The following SH3RF3 variants were observed in gnomAD, a reference collection of about 807,000 sequenced individuals.
SH3RF3 encodes the protein SH3 domain containing ring finger 3, also known as E3 ubiquitin-protein ligase SH3RF3.
SH3RF3 carries 29 observed loss-of-function variants against 66.3 expected under a neutral mutation model. The ratio of observed to expected loss-of-function variants is 0.44; its 90% CI spans 0.33 to 0.60. The LOEUF is 0.60. Among genes scored for constraint, SH3RF3 ranks in the 20% least tolerant of loss-of-function variants. The pLI, the probability that SH3RF3 is intolerant of heterozygous loss-of-function variation, is 0.04. For missense variants in SH3RF3, 1,194 were observed against 1,190.9 expected, an observed-to-expected ratio of 1.00 and a Z score of -0.04; for synonymous variants, 583 against 532.0, an observed-to-expected ratio of 1.10 and a Z score of -1.32.
rs905669430 is a variant in SH3RF3, at chr2:109,368,298, G to C, written c.850-3288G>C. ...ACATTGAGTATTTAGTTTTGCTGTA[G>C]CCAAATCTTTGTTATCATACCTTGA... is the stretch of plus-strand genomic sequence containing the variant. On this transcript the variant is annotated intron_variant, in intron 2 of 9. Coordinates refer to ENST00000309415, the MANE Select transcript of SH3RF3 (RefSeq NM_001099289.3). Among the ~76,000 whole-genome samples, 6 of 152,140 alleles carry C rather than the reference G, an allele frequency of 3.9e-5. No homozygotes were observed. In the South Asian group the frequency reaches 1.2e-3, roughly 32 times the overall value.
intron 1 of SH3RF3, among the ~76,000 whole-genome samples, chr2:109,142,924 G>A (rs750231564): frequency 5.3e-5 from 8 of 152,158 alleles, no homozygotes; most frequent in East Asian, 3.9e-4. Flanking sequence ...GACAATTGTC[G>A]TGCTGACAGA....
intron 1 of SH3RF3, among the ~76,000 whole-genome samples, chr2:109,222,782 T>G (rs1174085624): frequency 6.6e-6 from 1 of 152,248 alleles, no homozygotes; most frequent in Non-Finnish European, 1.5e-5. Context: ...AAGGACTTTT[T>G]GGTTTGCTAA....
chr2:109,196,257 C>T (rs1040159128), intron 1 of SH3RF3, among the ~76,000 whole-genome samples: 10 of 152,200 alleles, frequency 6.6e-5, no homozygotes, highest in African/African-American at 9.6e-5. Context: ...CTCCTGCATC[C>T]GCTGCTCTCC....
At chr2:109,377,826 C>T (rs1209974094) in intron 3 of SH3RF3, among the ~76,000 whole-genome samples, 1 of 152,182 alleles carries the variant, frequency 6.6e-6, no homozygotes, top group Non-Finnish European at 1.5e-5. Context: ...CTCCTTGTCA[C>T]TTTATCTTTT....
At chr2:109,187,832 A>T (rs1202906550) in intron 1 of SH3RF3, among the ~76,000 whole-genome samples, 1 of 152,130 alleles carries the variant, frequency 6.6e-6, no homozygotes, top group Non-Finnish European at 1.5e-5. Flanking sequence ...TGTGACCAGG[A>T]CCCCATTCTC....
intron 3 of SH3RF3, among the ~76,000 whole-genome samples, chr2:109,379,319 T>C (rs983805097): frequency 2.0e-5 from 3 of 152,220 alleles, no homozygotes; most frequent in African/African-American, 7.2e-5. Flanking sequence ...TCCAGGACTT[T>C]TCCTTAGATG....
rs115413626 is a variant in SH3RF3, at chr2:109,179,589, T to C, written c.573+49476T>C. ...AGAACATGGTACTGGCATCTGATGA[T>C]ATCCTTCCTGCTGTGTTGTAATATG... On this transcript the variant is annotated intron_variant, in intron 1 of 9. Transcript: ENST00000309415. 3.3e-3 allele frequency among the ~76,000 whole-genome samples: 501 copies of C among 152,356 alleles called. 3 individuals are homozygous for C. The highest frequency in any genetic ancestry group is 0.011 in the African/African-American group (464 of 41,578).
intron 1 of SH3RF3, among the ~76,000 whole-genome samples, chr2:109,149,711 G>C (rs1677187881): frequency 1.3e-5 from 2 of 152,190 alleles, no homozygotes; most frequent in Admixed American, 6.5e-5. Context: ...GCCTCGTGGT[G>C]CTTACGTTCT....
intron 1 of SH3RF3, among the ~76,000 whole-genome samples, chr2:109,335,605 C>CT (rs61303122): frequency 0.018 from 2,728 of 152,306 alleles, 98 homozygotes; most frequent in African/African-American, 0.063. Context: ...CACTTAACCA[C>CT]TTTCTGACAT....
chr2:109,438,700 T>C (rs1677480287), intron 7 of SH3RF3, among the ~76,000 whole-genome samples: 1 of 152,084 alleles, frequency 6.6e-6, no homozygotes. Flanking sequence ...TTCAGCATGG[T>C]TTACGTGGAT....
intron 1 of SH3RF3, among the ~76,000 whole-genome samples, chr2:109,188,414 C>A (rs1382423292): frequency 6.6e-6 from 1 of 152,182 alleles, no homozygotes; most frequent in Admixed American, 6.5e-5. Flanking sequence ...GGTCTGGGAC[C>A]CCATGGGCCC....
In SH3RF3 at chr2:109,493,496, TACAA is replaced by T. The variant is rs1235235184; in HGVS notation, c.2480+2564_2480+2567del. Among the ~76,000 whole-genome samples, 33 of 150,264 alleles carry T rather than the reference TACAA, an allele frequency of 2.2e-4. 1 individual carries two copies. The highest frequency in any genetic ancestry group is 1.4e-3 in the East Asian group (7 of 5,070). On this transcript the variant is annotated intron_variant, in intron 9 of 9. Transcript: ENST00000309415. ...ACAAACACATACCCCACATACACCA[TACAA>T]ACACATACCTCACACACACCATTGC... is the stretch of plus-strand genomic sequence containing the variant.
chr2:109,313,134 C>T (rs1484702394), intron 1 of SH3RF3, among the ~76,000 whole-genome samples: 2 of 152,168 alleles, frequency 1.3e-5, no homozygotes, highest in Non-Finnish European at 2.9e-5. Flanking sequence ...TGCCCTGTGC[C>T]TGTCAGCTTC....
At chr2:109,408,298 G>A (rs959075090) in intron 4 of SH3RF3, among the ~76,000 whole-genome samples, 2 of 152,182 alleles carry the variant, frequency 1.3e-5, no homozygotes, top group Non-Finnish European at 2.9e-5. Flanking sequence ...GGCCACTGAG[G>A]TCGGTGTCCT....
At position 109,237,566 on chromosome 2, in the gene SH3RF3, C is replaced by T. The variant is rs530216794; in HGVS notation, c.573+107453C>T. On this transcript the variant is annotated intron_variant, in intron 1 of 9. Transcript: ENST00000309415. ...CTTTGAATGTGACCCAACACAAATT[C>T]GCAAACTTTCTTAAAACATTATGAG... 2.8e-3 allele frequency among the ~76,000 whole-genome samples: 421 copies of T among 152,230 alleles called. 4 individuals are homozygous for T. Among genetic ancestry groups the T allele is most frequent in the African/African-American group, 9.7e-3 (404 of 41,536 alleles).
Position 109,142,045 on chromosome 2 carries a change from G to GC in SH3RF3, c.573+11932_573+11933insC, listed in dbSNP as rs1004467044. On this transcript the variant is annotated intron_variant, in intron 1 of 9. Transcript: ENST00000309415. ...TCTTCTGGGGTCCTTGAGTCTCCTG[G>GC]GGGGGGGGTCTCAGGTATGTGCCTA... Among the ~76,000 whole-genome samples the GC allele has an allele frequency of 1.4e-4, 20 of 147,582 alleles. 1 individual carries two copies. The highest frequency in any genetic ancestry group is 2.5e-4 in the African/African-American group (10 of 39,354).
intron 1 of SH3RF3, among the ~76,000 whole-genome samples, chr2:109,262,597 A>C (rs1680383255): frequency 6.6e-6 from 1 of 152,204 alleles, no homozygotes; most frequent in African/African-American, 2.4e-5. Context: ...GAAGCTGAGA[A>C]ATGAAAGAGC....
At chr2:109,147,865 A>G (rs112991201) in intron 1 of SH3RF3, among the ~76,000 whole-genome samples, 6 of 152,364 alleles carry the variant, frequency 3.9e-5, no homozygotes, top group African/African-American at 9.6e-5. Context: ...CCATATATAC[A>G]TATAAAGTTA....
chr2:109,316,733 G>T (rs142066474), intron 1 of SH3RF3, among the ~76,000 whole-genome samples: 1 of 152,130 alleles, frequency 6.6e-6, no homozygotes, highest in Admixed American at 6.5e-5. Flanking sequence ...TCTATAATGC[G>T]ATGTATCCAC....
Sources: gnomAD v4.1 joint callset for allele counts (sites outside exome capture counted in the v4.1 genomes callset) on GRCh38, gnomAD v4.1.1 for gene constraint, MANE v1.5 for transcripts, NCBI Gene and HGNC (gene_info 2026-07-23, HGNC 2026-07-21) for gene names.